The following TACC1 variants were observed in gnomAD, a reference collection of about 807,000 sequenced individuals.
The protein encoded by TACC1 is transforming acidic coiled-coil containing protein 1, also known as transforming acidic coiled-coil-containing protein 1.
In TACC1, 48 loss-of-function variants were observed where a neutral mutation model predicts 84.4. That is an observed-to-expected ratio of 0.57 (90% CI 0.45 to 0.72). The LOEUF is 0.72. TACC1 is among the 30% of genes least tolerant of loss of function. The pLI is 0.00. For missense variants in TACC1, 920 were observed against 973.0 expected (o/e 0.95, Z 0.72); for synonymous variants, 372 against 376.3 (o/e 0.99, Z 0.13).
At position 38,851,875 on chromosome 8, in the gene TACC1, A is replaced by G. The variant is rs1307872202; in HGVS notation, c.*3852A>G. The stretch of plus-strand genomic sequence containing the variant: ...TGTCAAGCCAAAGGTCTAAGAAGTC[A>G]TCTCCTTCAAATACTTTAATAAAGA... On this transcript the variant is annotated 3_prime_UTR_variant, in exon 13 of 13. Transcript: ENST00000317827. 2.2e-6 allele frequency: 1 copy of G among 454,876 alleles called. No individual in the cohort carries two copies. 28.2% of individuals were successfully genotyped at this position (454,876 alleles called of 1,614,324 possible).
intron 1 of TACC1, 39 bp from the exon 2 acceptor site, chr8:38,788,665 C>T: frequency 6.8e-7 from 1 of 1,465,588 alleles, no homozygotes; most frequent in Non-Finnish European, 9.5e-7. Flanking sequence ...TCGGAAATAC[C>T]GTTGAAAGTG....
intron 3 of TACC1, among the ~76,000 whole-genome samples, chr8:38,777,464 G>A (rs1246168261): frequency 6.6e-6 from 1 of 152,132 alleles, no homozygotes; most frequent in African/African-American, 2.4e-5. Context: ...GGAGAGGCTG[G>A]ACATGCAGTT....
rs1266902517 is a variant in TACC1 at position 38,747,402 on chromosome 8, A to G, written c.26+1909A>G. ...CTTATGTCCACACAAAACCCTGCAC[A>G]TGGATGTTTATAGCAACTTTATTCA... is the stretch of plus-strand genomic sequence containing the variant. On this transcript the variant is annotated intron_variant, in intron 3 of 14. Transcript: ENST00000518415. Among the ~76,000 whole-genome samples the G allele has an allele frequency of 2.0e-5, 3 of 152,358 alleles. No individual in the cohort carries two copies. The East Asian group carries it at 5.8e-4, about 29-fold the overall frequency.
At chr8:38,828,017 C>G (rs1475309156) in intron 5 of TACC1, 1 of 152,956 alleles carries the variant, frequency 6.5e-6, no homozygotes, top group African/African-American at 2.4e-5. Context: ...CCCATTAGGC[C>G]TCACTTCCAA....
chr8:38,825,830 G>A (rs1295343479), intron 4 of TACC1, among the ~76,000 whole-genome samples: 1 of 152,118 alleles, frequency 6.6e-6, no homozygotes, highest in Non-Finnish European at 1.5e-5. Flanking sequence ...CACATAACTT[G>A]GAAAGGGGTT....
intron 2 of TACC1, among the ~76,000 whole-genome samples, chr8:38,742,650 A>G (rs1807290603): frequency 6.6e-6 from 1 of 152,200 alleles, no homozygotes; most frequent in South Asian, 2.1e-4. Flanking sequence ...GCTACTAACT[A>G]TAACTTGGGC....
rs558146770 is a variant in TACC1, at chr8:38,790,701, G to A, written c.277+1882G>A. 6.9e-4 allele frequency among the ~76,000 whole-genome samples: 105 copies of A among 152,312 alleles called. 5 individuals carry two copies. The South Asian group carries it at 0.022, about 31-fold the overall frequency. On this transcript the variant is annotated intron_variant, in intron 2 of 12. Coordinates refer to ENST00000317827, the MANE Select transcript of TACC1 (RefSeq NM_006283.3). ...TTACTCTGGTAATAGACTGCATGAT[G>A]GAGCTGGAATTATTGGTAAAATGAC...
In TACC1 at chr8:38,820,120, A is replaced by G. The variant is rs1826373966; in HGVS notation, c.876A>G (p.Lys292=). The change falls in exon 3 of 13, where the codon AAA becomes AAG. Residue 292 remains lysine (K), a synonymous_variant. Transcript: ENST00000317827. ...ARFQKSPPDL[K]ETPGTLSSDT... is the part of the protein sequence containing the mutation. The stretch of plus-strand genomic sequence containing the variant: ...TCCAGAAGTCTCCCCCTGACCTTAA[A>G]GAAACTCCCGGCACTCTCAGTAGTG... The G allele has an allele frequency of 1.9e-6, 3 of 1,614,164 alleles. No individual in the cohort carries two copies. The highest frequency in any genetic ancestry group is 2.5e-6 in the Non-Finnish European group (3 of 1,180,026).
At position 38,842,338 on chromosome 8, in the gene TACC1, C is replaced by G. The variant is rs765085102; in HGVS notation, c.2012C>G (p.Thr671Ser). The G allele has an allele frequency of 1.1e-5, 17 of 1,614,148 alleles. No individual in the cohort carries two copies. The highest frequency in any genetic ancestry group is 1.4e-5 in the Non-Finnish European group (16 of 1,180,024). ...MTSQKSFQQL[T>S]MEKEQALADL... Reference sequence around the variant, plus strand: ...TCTCAGAAGAGCTTCCAGCAACTGACCATGGAGAAGGAACAGGCCCTGGCT... The same window carrying G: ...TCTCAGAAGAGCTTCCAGCAACTGAGCATGGAGAAGGAACAGGCCCTGGCT... The change falls in exon 10 of 13, where the codon ACC becomes AGC. Residue 671 changes from threonine to serine, a missense_variant. Thr to Ser is a moderately conservative substitution (Grantham distance 58, BLOSUM62 1). This residue lies in a region of TACC1 where 158 missense variants were observed against 225.6 expected (regional missense o/e 0.70). Coordinates refer to ENST00000317827, the MANE Select transcript of TACC1 (RefSeq NM_006283.3).
intron 2 of TACC1, among the ~76,000 whole-genome samples, chr8:38,744,404 C>G (rs1285163010): frequency 1.3e-5 from 2 of 152,080 alleles, no homozygotes; most frequent in African/African-American, 4.8e-5. Flanking sequence ...GCAGGAGCCA[C>G]CGCACCGAGC....
chr8:38,812,302 C>T (rs1482812954), intron 2 of TACC1, among the ~76,000 whole-genome samples: 2 of 152,136 alleles, frequency 1.3e-5, no homozygotes, highest in Admixed American at 6.5e-5. Context: ...CCTGTTCGTA[C>T]ACCCCCTCCC....
chr8:38,785,712 A>C (rs994083882), upstream of TACC1: 1 of 985,286 alleles, frequency 1.0e-6, no homozygotes, highest in African/African-American at 1.7e-5. Flanking sequence ...AGCCTGGGGG[A>C]CTGTAGAACC....
At position 38,848,071 on chromosome 8, in the gene TACC1, T is replaced by C. The variant is rs750523669; in HGVS notation, c.*48T>C. On this transcript the variant is annotated 3_prime_UTR_variant, in exon 13 of 13. Transcript: ENST00000317827. Reference sequence around the variant, plus strand: ...CAGATCTGCATTTGGCTGCTTCTCTTGTGACCACAATTATCTTGCCTTATC... The same window carrying C: ...CAGATCTGCATTTGGCTGCTTCTCTCGTGACCACAATTATCTTGCCTTATC... The C allele has an allele frequency of 1.9e-6, 3 of 1,553,498 alleles. No homozygotes were observed. Among genetic ancestry groups the C allele is most frequent in the East Asian group, 2.3e-5 (1 of 44,366 alleles).
intron 2 of TACC1, among the ~76,000 whole-genome samples, chr8:38,811,079 C>T (rs1166274955): frequency 6.6e-6 from 1 of 150,886 alleles, no homozygotes; most frequent in Middle Eastern, 3.2e-3. Context: ...GATCACGCTA[C>T]AGTATTCAAG....
chr8:38,814,556 C>T (rs1824977061), intron 2 of TACC1, among the ~76,000 whole-genome samples: 3 of 152,128 alleles, frequency 2.0e-5, no homozygotes, highest in South Asian at 4.1e-4. Context: ...AGTAAATATA[C>T]CATCTAGGTT....
intron 2 of TACC1, among the ~76,000 whole-genome samples, chr8:38,792,732 T>C (rs1382054076): frequency 6.6e-6 from 1 of 152,206 alleles, no homozygotes; most frequent in Non-Finnish European, 1.5e-5. Flanking sequence ...CCCAAAGTGC[T>C]GGGATTACAG....
At chr8:38,816,565 T>C (rs1825481666) in intron 2 of TACC1, among the ~76,000 whole-genome samples, 1 of 151,890 alleles carries the variant, frequency 6.6e-6, no homozygotes, top group Non-Finnish European at 1.5e-5. Context: ...ATAACTCCTC[T>C]TCTCAGTTTC....
chr8:38,847,859 A>G lies in TACC1; in HGVS notation c.2350-96A>G, dbSNP rs543968645. The G allele has an allele frequency of 7.1e-5, 68 of 955,270 alleles. No individual in the cohort carries two copies. In the African/African-American group the frequency reaches 1.1e-3, roughly 15 times the overall value. 59.2% of individuals were successfully genotyped at this position (955,270 alleles called of 1,614,324 possible). ...TAAAAATCACTGAATTAGGATGTCT[A>G]GGGTAGGGTAGATCCAGACTTGGGA... On this transcript the variant is annotated intron_variant, in intron 12 of 12. Coordinates refer to ENST00000317827, the MANE Select transcript of TACC1 (RefSeq NM_006283.3).
In TACC1 at chr8:38,827,319, A is replaced by C. The variant is rs151284341; in HGVS notation, c.1604A>C (p.Glu535Ala). 1.2e-6 allele frequency: 2 copies of C among 1,614,214 alleles called. No individual in the cohort carries two copies. Among genetic ancestry groups the C allele is most frequent in the Non-Finnish European group, 1.7e-6 (2 of 1,180,038 alleles). The change falls in exon 5 of 13, where the codon GAA becomes GCA. Residue 535 changes from glutamate to alanine, a missense_variant. Around this residue, in one of 2 missense-constraint regions of TACC1, gnomAD observed 762 missense variants for 747.3 expected, o/e 1.02. Transcript: ENST00000317827. ...GEPEEDLEYF[E>A]CSNVPVSTIN... The stretch of plus-strand genomic sequence containing the variant: ...CCAGAGGAAGACCTGGAGTACTTTG[A>C]ATGTTCCAATGTTCCTGTGTCTACC...
Sources: gnomAD v4.1 joint callset for allele counts (sites outside exome capture counted in the v4.1 genomes callset) on GRCh38, gnomAD v4.1.1 for gene constraint, gnomAD v4.1.1 regional missense constraint, MANE v1.5 for transcripts, NCBI Gene and HGNC (gene_info 2026-07-23, HGNC 2026-07-21) for gene names.